The following CENPF variants were observed in gnomAD, a reference collection of about 807,000 sequenced individuals.
The protein encoded by CENPF is centromere protein F.
CENPF carries 214 observed loss-of-function variants against 307.3 expected under a neutral mutation model. The ratio of observed to expected loss-of-function variants is 0.70; its 90% CI spans 0.62 to 0.78. The LOEUF is 0.78. CENPF is among the 30% of genes least tolerant of loss of function. The probability of loss-of-function intolerance (pLI) is 0.00; values close to 1 mark genes in which losing one functional copy is unlikely to be tolerated. For missense variants in CENPF, 3,401 were observed against 3,483.9 expected (o/e 0.98, Z 0.60); for synonymous variants, 1,259 against 1,270.6 (o/e 0.99, Z 0.19).
At position 214,643,262 on chromosome 1, in the gene CENPF, C is replaced by A; in HGVS notation, c.4924C>A (p.Arg1642=). ...ACTGTCACTTGAGCTGGAAGTAGCA[C>A]GACTCCAGCTACAAGGTCTGGACTT... ...EQLSLELEVA[R]LQLQGLDLSS... Residue 1642 remains arginine (R), a synonymous_variant, in exon 12 of 20, where the codon CGA becomes AGA. Coordinates refer to ENST00000366955, the MANE Select transcript of CENPF (RefSeq NM_016343.4). 6.4e-7 allele frequency: 1 copy of A among 1,569,376 alleles called. No homozygotes were observed.
Position 214,642,908 on chromosome 1 carries a change from G to A in CENPF, c.4570G>A (p.Asp1524Asn), listed in dbSNP as rs749068116. The A allele has an allele frequency of 6.2e-7, 1 of 1,614,064 alleles. No individual in the cohort carries two copies. Among genetic ancestry groups the A allele is most frequent in the Admixed American group, 1.7e-5 (1 of 60,020 alleles). ...TGTTTCAGCAAACCAGTGCAGTGTAGATGAAGTATTTTGCAGCAGTCTGCA... is the reference window on the plus strand; with the variant it reads ...TGTTTCAGCAAACCAGTGCAGTGTAAATGAAGTATTTTGCAGCAGTCTGCA... Reference protein sequence around the residue: ...GAVSANQCSVDEVFCSSLQEE... With the variant: ...GAVSANQCSVNEVFCSSLQEE... The change falls in exon 12 of 20, where the codon GAT (aspartate) becomes AAT (asparagine). Residue 1524 changes from aspartate to asparagine, a missense_variant. Asp to Asn is a conservative substitution (Grantham distance 23, BLOSUM62 1). Coordinates refer to ENST00000366955, the MANE Select transcript of CENPF (RefSeq NM_016343.4).
At chr1:214,629,392 G>A (rs1240279980) in intron 8 of CENPF, among the ~76,000 whole-genome samples, 1 of 152,080 alleles carries the variant, frequency 6.6e-6, no homozygotes, top group African/African-American at 2.4e-5. Flanking sequence ...TTAGTATTCA[G>A]AATTCATCCA....
rs1658738222 is a variant in CENPF at position 214,659,484 on chromosome 1, G to T, written c.9141+456G>T. Among the ~76,000 whole-genome samples, 1 of 150,632 alleles carries T rather than the reference G, an allele frequency of 6.6e-6. No individual in the cohort carries two copies. The highest frequency in any genetic ancestry group is 6.6e-5 in the Admixed American group (1 of 15,122). On this transcript the variant is annotated intron_variant, in intron 19 of 19. Transcript: ENST00000366955. This position sits in a 1 kb window ranked among gnomAD's most constrained non-coding sequence, Gnocchi z 4.4. Reference sequence around the variant, plus strand: ...AGCACATATTTCAATAGATATCTAAGGAAAGGAACTCTGTTTATAGATCTC... The same window carrying T: ...AGCACATATTTCAATAGATATCTAATGAAAGGAACTCTGTTTATAGATCTC...
chr1:214,630,005 G>A (rs1023017465), intron 8 of CENPF, among the ~76,000 whole-genome samples: 2 of 152,172 alleles, frequency 1.3e-5, no homozygotes, highest in African/African-American at 2.4e-5. Context: ...GCCTGAAAAA[G>A]TACCATACGG....
Position 214,646,469 on chromosome 1 carries a change from G to A in CENPF, c.6899G>A (p.Arg2300Lys). Reference protein sequence around the residue: ...DPPIEEEHQLRNSIEKLRARL... With the variant: ...DPPIEEEHQLKNSIEKLRARL... Reference sequence around the variant, plus strand: ...CCAATAGAGGAAGAGCATCAGCTGAGAAATAGCATTGAAAAGCTGAGAGCC... The same window carrying A: ...CCAATAGAGGAAGAGCATCAGCTGAAAAATAGCATTGAAAAGCTGAGAGCC... Residue 2300 changes from arginine (R) to lysine (K), a missense_variant, in exon 13 of 20, where the codon AGA becomes AAA. Coordinates refer to ENST00000366955, the MANE Select transcript of CENPF (RefSeq NM_016343.4). 6.2e-7 allele frequency: 1 copy of A among 1,614,102 alleles called. No homozygotes were observed. Among genetic ancestry groups the A allele is most frequent in the African/African-American group, 1.3e-5 (1 of 75,044 alleles).
chr1:214,643,390 T>A (rs1401178290), intron 12 of CENPF, 66 bp downstream of exon 12: 2 of 1,278,598 alleles, frequency 1.6e-6, no homozygotes, highest in Non-Finnish European at 2.0e-6. Context: ...AGTAAATGTT[T>A]GTCTAATTGA....
chr1:214,630,544 G>A lies in CENPF; in HGVS notation c.1205G>A (p.Arg402His), dbSNP rs1430952472. 7.4e-6 allele frequency: 12 copies of A among 1,613,994 alleles called. No homozygotes were observed. The highest frequency in any genetic ancestry group is 1.3e-5 in the African/African-American group (1 of 75,000). The part of the protein sequence containing the change: ...KEKEFQEELS[R>H]QQRSFQTLDQ... Reference sequence around the variant, plus strand: ...CCCTTTGTTTTTCAGGAGCTCTCCCGTCAACAGCGTTCTTTCCAAACACTG... The same window carrying A: ...CCCTTTGTTTTTCAGGAGCTCTCCCATCAACAGCGTTCTTTCCAAACACTG... Residue 402 changes from arginine to histidine, a missense_variant, in exon 9 of 20, where the codon CGT becomes CAT. Arg to His is a conservative substitution (Grantham distance 29). Transcript: ENST00000366955.
At chr1:214,654,189 C>T (rs1658567483) in intron 16 of CENPF, 1 of 151,912 alleles carries the variant, frequency 6.6e-6, no homozygotes, top group Admixed American at 6.6e-5. Context: ...ATATAATATC[C>T]CAGAGGGATC....
chr1:214,641,292 C>T lies in CENPF; in HGVS notation c.2954C>T (p.Ser985Phe). 1.9e-6 allele frequency: 3 copies of T among 1,607,386 alleles called. No homozygotes were observed. Among genetic ancestry groups the T allele is most frequent in the African/African-American group, 1.3e-5 (1 of 74,446 alleles). Residue 985 changes from serine (S) to phenylalanine (F), a missense_variant, in exon 12 of 20, where the codon TCC becomes TTC. Transcript: ENST00000366955. ...GGGACTCTTAAGGAAATTAATGCAT[C>T]CTTAAATCAAGAGAAGATGAACTTA... The part of the protein sequence containing the change: ...ENGTLKEINA[S>F]LNQEKMNLIQ...
At chr1:214,638,177 G>C (rs941591616) in intron 11 of CENPF, among the ~76,000 whole-genome samples, 176 bp downstream of exon 11, 3 of 152,126 alleles carry the variant, frequency 2.0e-5, no homozygotes, top group African/African-American at 7.2e-5. Flanking sequence ...AGTTTCCAGA[G>C]TGAGAGTGGG....
intron 9 of CENPF, among the ~76,000 whole-genome samples, chr1:214,631,285 C>G (rs1286821091): frequency 6.6e-6 from 1 of 152,134 alleles, no homozygotes; most frequent in Non-Finnish European, 1.5e-5. Flanking sequence ...TTCTATTCTT[C>G]TTTTTCTCTT....
chr1:214,656,909 G>A (rs181019579), intron 17 of CENPF, 24 bp from the exon 18 acceptor site: 5 of 1,457,036 alleles, frequency 3.4e-6, no homozygotes, highest in Non-Finnish European at 4.7e-6. Flanking sequence ...AGTTGCACAT[G>A]ATGTGTTGCT....
At chr1:214,652,261 TC>T (rs1278323834) in intron 15 of CENPF, among the ~76,000 whole-genome samples, 4 of 151,416 alleles carry the variant, frequency 2.6e-5, no homozygotes, top group Middle Eastern at 3.5e-3. Flanking sequence ...GGTCTCGATC[TC>T]CTGATCTTGT....
intron 13 of CENPF, chr1:214,647,863 T>C (rs1180026673): frequency 5.5e-6 from 2 of 366,384 alleles, no homozygotes; most frequent in Non-Finnish European, 1.1e-5. Flanking sequence ...TACTGATAGA[T>C]TTGTAACCAA....
intron 7 of CENPF, 136 bp from the exon 8 acceptor site, chr1:214,628,910 T>G: frequency 1.6e-6 from 1 of 623,460 alleles, no homozygotes. Context: ...GGGCTAATGC[T>G]TTACATCCTT....
At chr1:214,608,901 G>C in intron 1 of CENPF, 1 of 1,388,456 alleles carries the variant, frequency 7.2e-7, no homozygotes, top group South Asian at 1.6e-5. Context: ...CGCCCGGCCT[G>C]GCCCGGCAGG....
chr1:214,634,057 C>T (rs115019032), intron 10 of CENPF, among the ~76,000 whole-genome samples: 1,867 of 152,302 alleles, frequency 0.012, 54 homozygotes, highest in African/African-American at 0.043. Flanking sequence ...CATTGTCTTG[C>T]AGGTGTTTCT....
At chr1:214,614,453 T>C (rs559135942) in intron 2 of CENPF, among the ~76,000 whole-genome samples, 1 of 152,354 alleles carries the variant, frequency 6.6e-6, no homozygotes, top group Admixed American at 6.5e-5. Flanking sequence ...AGTGATACAG[T>C]CATTGCTTCT....
intron 1 of CENPF, chr1:214,608,183 C>G: frequency 2.1e-6 from 2 of 949,386 alleles, no homozygotes; most frequent in Non-Finnish European, 3.1e-6. Context: ...GCTCTCTGGC[C>G]CTGTGCATCC....
Sources: gnomAD v4.1 joint callset for allele counts (sites outside exome capture counted in the v4.1 genomes callset) on GRCh38, gnomAD v4.1.1 for gene constraint, Gnocchi (gnomAD v3.1) non-coding constraint, MANE v1.5 for transcripts, NCBI Gene and HGNC (gene_info 2026-07-23, HGNC 2026-07-21) for gene names.